The following ZNF836 variants were observed in gnomAD, a reference collection of about 807,000 sequenced individuals.
The protein encoded by ZNF836 is zinc finger protein 836.
ZNF836 carries 12 observed loss-of-function variants against 7.4 expected under a neutral mutation model. The observed-to-expected ratio is 1.61, with a 90% CI of 1.03 to 2.61. The LOEUF is 2.61. Ranked by LOEUF, ZNF836 falls within the 30% of genes most tolerant of loss-of-function variation. ZNF836 has a pLI of 0.00. For synonymous variants in ZNF836, 365 were observed against 382.6 expected (o/e 0.95, Z 0.54); for missense variants, 998 against 1,126.2 (o/e 0.89, Z 1.63).
Position 52,156,409 on chromosome 19 carries a change from C to T in ZNF836, c.1274G>A (p.Arg425Gln), listed in dbSNP as rs2089160474. ...KCDECGKTFK[R>Q]SSSLTTHQII... The stretch of plus-strand genomic sequence containing the variant: ...CTGATGTGTAGTGAGGCTGGAGCTC[C>T]GTTTAAAGGTTTTGCCACACTCATC... The change falls in exon 5 of 5, where the codon CGG becomes CAG. Residue 425 changes from arginine to glutamine, a missense_variant. Transcript: ENST00000682614. The T allele has an allele frequency of 4.3e-6, 7 of 1,611,348 alleles. No individual in the cohort carries two copies. The highest frequency in any genetic ancestry group is 2.7e-5 in the African/African-American group (2 of 73,942).
chr19:52,163,640 C>G (rs1171666143), intron 3 of ZNF836, among the ~76,000 whole-genome samples: 1 of 152,104 alleles, frequency 6.6e-6, no homozygotes, highest in Non-Finnish European at 1.5e-5. Context: ...TGGGTGGAGA[C>G]ACAACCAAAG....
At chr19:52,163,605 T>C (rs555377420) in intron 3 of ZNF836, among the ~76,000 whole-genome samples, 1 of 152,272 alleles carries the variant, frequency 6.6e-6, no homozygotes, top group East Asian at 1.9e-4. Context: ...AAACCCCGTC[T>C]CTACTGAAAA....
chr19:52,162,101 A>G (rs1249585795), intron 3 of ZNF836, among the ~76,000 whole-genome samples: 3 of 152,208 alleles, frequency 2.0e-5, no homozygotes, highest in Non-Finnish European at 4.4e-5. Flanking sequence ...GGGTCCCAAC[A>G]TCCTGGGGAT....
chr19:52,165,553 T>C (rs2089255416), intron 3 of ZNF836, among the ~76,000 whole-genome samples: 1 of 152,216 alleles, frequency 6.6e-6, no homozygotes, highest in Admixed American at 6.5e-5. Context: ...TCACTGACTC[T>C]TGCCACAGAA....
chr19:52,165,642 T>C (rs1475744390), intron 3 of ZNF836, among the ~76,000 whole-genome samples: 14 of 152,140 alleles, frequency 9.2e-5, no homozygotes, highest in African/African-American at 2.9e-4. Flanking sequence ...TTCCCCCAGG[T>C]TGGGCACTTG....
chr19:52,162,603 T>C lies in ZNF836; in HGVS notation c.16-2012A>G, dbSNP rs556687023. On this transcript the variant is annotated intron_variant, in intron 3 of 4. Transcript: ENST00000682614. ...AAGGGGCCAGGGGGCATCTTGCCTC[T>C]AGTGGACAAGGGCCCTGAGCTTTTT... 1.1e-3 allele frequency among the ~76,000 whole-genome samples: 168 copies of C among 152,336 alleles called. 1 individual carries two copies. The highest frequency in any genetic ancestry group is 4.0e-3 in the African/African-American group (166 of 41,580).
At chr19:52,158,963 T>C (rs981716836) in intron 4 of ZNF836, among the ~76,000 whole-genome samples, 2 of 151,992 alleles carry the variant, frequency 1.3e-5, no homozygotes, top group African/African-American at 2.4e-5. Flanking sequence ...GGAATTTGAG[T>C]AGATGTGAAA....
At position 52,155,642 on chromosome 19, in the gene ZNF836, G is replaced by A; in HGVS notation, c.2041C>T (p.Leu681Phe). ...GTATGAATTATCAGATGTTTAGTGAGGCTTGAACGCTGAGTATAGGCTTTG... is the reference window on the plus strand; with the variant it reads ...GTATGAATTATCAGATGTTTAGTGAAGCTTGAACGCTGAGTATAGGCTTTG... ...CGKAYTQRSS[L>F]TKHLIIHTGE... Residue 681 changes from leucine to phenylalanine, a missense_variant, in exon 5 of 5, where the codon CTC becomes TTC. Coordinates refer to ENST00000682614, the MANE Select transcript of ZNF836 (RefSeq NM_001102657.3). The A allele has an allele frequency of 3.7e-6, 6 of 1,614,138 alleles. No individual in the cohort carries two copies. The African/African-American group carries it at 8.0e-5, about 22-fold the overall frequency.
intron 3 of ZNF836, among the ~76,000 whole-genome samples, chr19:52,167,545 G>A (rs1253474981): frequency 6.8e-6 from 1 of 146,250 alleles, no homozygotes; most frequent in African/African-American, 2.5e-5. Flanking sequence ...GTATCTAATT[G>A]TCCATTCCAT....
intron 1 of ZNF836, among the ~76,000 whole-genome samples, chr19:52,170,981 A>G (rs914198279): frequency 1.3e-5 from 2 of 152,236 alleles, no homozygotes; most frequent in Non-Finnish European, 2.9e-5. Flanking sequence ...CTGGGGAGCG[A>G]AAGGACCCGG....
chr19:52,168,653 A>G (rs74954939), intron 2 of ZNF836, among the ~76,000 whole-genome samples: 1 of 152,154 alleles, frequency 6.6e-6, no homozygotes, highest in African/African-American at 2.4e-5. Flanking sequence ...ACATATCTTT[A>G]TGTGTACGTG....
At chr19:52,164,627 G>C (rs1441311728) in intron 3 of ZNF836, among the ~76,000 whole-genome samples, 3 of 152,044 alleles carry the variant, frequency 2.0e-5, no homozygotes, top group South Asian at 2.1e-4. Flanking sequence ...TTGACAGGGA[G>C]AGAAACAAAA....
chr19:52,159,480 G>A (rs1335956679), intron 4 of ZNF836, among the ~76,000 whole-genome samples: 2 of 152,132 alleles, frequency 1.3e-5, no homozygotes, highest in Admixed American at 6.6e-5. Context: ...GCAGATAACT[G>A]GTCACTCCAA....
In ZNF836 at chr19:52,155,138, G is replaced by C. The variant is rs770496177; in HGVS notation, c.2545C>G (p.Leu849Val). Residue 849 changes from leucine (L) to valine (V), a missense_variant, in exon 5 of 5, where the codon CTG (leucine) becomes GTG (valine). Transcript: ENST00000682614. The stretch of plus-strand genomic sequence containing the variant: ...GTGTGATTTCTTTGATGGTACACCA[G>C]CTTTGACCTTTCAATAAAAGCTTTA... ...CGKAFIERSK[L>V]VYHQRNHTGE... 2.5e-6 allele frequency: 4 copies of C among 1,614,130 alleles called. No homozygotes were observed. The East Asian group carries it at 6.7e-5, about 27-fold the overall frequency.
rs1156359629 is a variant in ZNF836 at position 52,169,673 on chromosome 19, C to A, written c.-106G>T. ...CTCGTAGGCCTGGCGTGGTGGCTCC[C>A]GTCTGTAATCCCAGCACTCTGAGGC... On this transcript the variant is annotated 5_prime_UTR_variant, in exon 2 of 5. Coordinates refer to ENST00000682614, the MANE Select transcript of ZNF836 (RefSeq NM_001102657.3). The A allele has an allele frequency of 6.6e-6, 1 of 151,978 alleles. No homozygotes were observed. The highest frequency in any genetic ancestry group is 6.6e-5 in the Admixed American group (1 of 15,210). 9.4% of individuals were successfully genotyped at this position (151,978 alleles called of 1,614,324 possible).
intron 4 of ZNF836, among the ~76,000 whole-genome samples, chr19:52,159,966 C>T (rs561629319): frequency 1.3e-5 from 2 of 152,068 alleles, no homozygotes; most frequent in East Asian, 1.9e-4. Context: ...GGCAGACTGC[C>T]GAGCTCAGGA....
chr19:52,169,407 C>CT (rs2089291043), intron 2 of ZNF836, among the ~76,000 whole-genome samples: 1 of 152,122 alleles, frequency 6.6e-6, no homozygotes, highest in African/African-American at 2.4e-5. Flanking sequence ...TGGAGAAACT[C>CT]TGTCTCTACT....
rs1242722353 is a variant in ZNF836, at chr19:52,163,776, A to G, written c.16-3185T>C. On this transcript the variant is annotated intron_variant, in intron 3 of 4. Coordinates refer to ENST00000682614, the MANE Select transcript of ZNF836 (RefSeq NM_001102657.3). ...GTGTGCAGTAACACGGAAAGACACT[A>G]GGTAAGATCTAGTACCATAGGTGAC... Among the ~76,000 whole-genome samples the G allele has an allele frequency of 2.6e-5, 4 of 152,290 alleles. No individual in the cohort carries two copies. In the East Asian group the frequency reaches 7.7e-4, roughly 29 times the overall value.
rs746791060 is a variant in ZNF836, at chr19:52,156,084, C to A, written c.1599G>T (p.Lys533Asn). The A allele has an allele frequency of 1.9e-6, 3 of 1,613,998 alleles. No individual in the cohort carries two copies. The highest frequency in any genetic ancestry group is 1.3e-5 in the African/African-American group (1 of 75,042). The change falls in exon 5 of 5, where the codon AAG (lysine) becomes AAT (asparagine). Residue 533 changes from lysine to asparagine, a missense_variant. By Grantham distance (94) the Lys-to-Asn change is moderately conservative (BLOSUM62 0). Coordinates refer to ENST00000682614, the MANE Select transcript of ZNF836 (RefSeq NM_001102657.3). ...EKRYQCGECG[K>N]VFSENSCLVR... ...CAAGGCATGAATTTTCACTAAAGACCTTTCCACATTCACCGCATTGGTAAC... is the reference window on the plus strand; with the variant it reads ...CAAGGCATGAATTTTCACTAAAGACATTTCCACATTCACCGCATTGGTAAC...
Sources: allele counts gnomAD v4.1 joint callset (sites outside exome capture counted in the v4.1 genomes callset), GRCh38; gene constraint gnomAD v4.1.1; transcripts MANE v1.5; gene names NCBI Gene and HGNC (gene_info 2026-07-23, HGNC 2026-07-21).